Variants in RPS4X observed in about 807,000 individuals in gnomAD.
RPS4X encodes the protein ribosomal protein S4 X-linked.
For synonymous variants in RPS4X, 76 were observed against 76.8 expected, an observed-to-expected ratio of 0.99 and a Z score of 0.06; for missense variants, 90 against 219.1, an observed-to-expected ratio of 0.41 and a Z score of 3.72.
Position 72,276,247 on chromosome X carries a change from G to T in RPS4X, c.4-13C>A, listed in dbSNP as rs746390447. The T allele has an allele frequency of 8.4e-7, 1 of 1,184,262 alleles. No homozygotes were observed. The highest frequency in any genetic ancestry group is 1.1e-6 in the Non-Finnish European group (1 of 872,823). On this transcript the variant is annotated splice_polypyrimidine_tract_variant and intron_variant, in intron 1 of 6. Transcript: ENST00000316084. ...TGGGACCACGAGCCTGAAAGTTTTA[G>T]ATTGCAATGCTGTTAATCAGGTTTC...
intron 2 of RPS4X, 101 bp downstream of exon 2, chrX:72,276,056 G>T: frequency 1.5e-6 from 1 of 648,027 alleles, no homozygotes; most frequent in South Asian, 2.5e-5. Context: ...AAGGGCAGAG[G>T]AAGCCAAGAA....
chrX:72,276,473 TTTACTGA>T (rs371633618), intron 1 of RPS4X, among the ~76,000 whole-genome samples: 46 of 112,430 alleles, frequency 4.1e-4, no homozygotes, highest in African/African-American at 1.4e-3. Flanking sequence ...TTTCAGAACG[TTTACTGA>T]TTACTATCTT....
At chrX:72,273,572 C>T (rs945883040) in intron 5 of RPS4X, among the ~76,000 whole-genome samples, 183 bp from the exon 6 acceptor site, 1 of 111,787 alleles carries the variant, frequency 8.9e-6, no homozygotes, top group Non-Finnish European at 1.9e-5. Flanking sequence ...TGGTGGCTCA[C>T]ACCTATAATC....
intron 4 of RPS4X, 129 bp downstream of exon 4, chrX:72,274,924 G>T: frequency 2.2e-6 from 1 of 445,972 alleles, no homozygotes; most frequent in Admixed American, 3.6e-5. Flanking sequence ...TTGTTAGCTA[G>T]ATATTTCCAG....
rs1024880572 is a variant in RPS4X, at chrX:72,277,140, G to A, written c.3+53C>T. ...CCCGAAACCTCGGGCAGCCCCGGCC[G>A]GGGGAGGATGGAGGCGGATACGTCC... On this transcript the variant is annotated intron_variant, in intron 1 of 6. Coordinates refer to ENST00000316084, the MANE Select transcript of RPS4X (RefSeq NM_001007.5). 1.0e-4 allele frequency: 120 copies of A among 1,197,701 alleles called. No individual in the cohort carries two copies. In the Admixed American group the frequency reaches 1.8e-3, roughly 17 times the overall value.
At chrX:72,276,136 A>G (rs747053419) in intron 2 of RPS4X, 21 bp downstream of exon 2, 10 of 1,172,684 alleles carry the variant, frequency 8.5e-6, no homozygotes, top group Admixed American at 4.4e-5. Context: ...GGCCACGGAA[A>G]TATTTATATA....
At chrX:72,275,476 C>T in intron 3 of RPS4X, 68 bp downstream of exon 3, 1 of 873,889 alleles carries the variant, frequency 1.1e-6, no homozygotes, top group Non-Finnish European at 1.7e-6. Flanking sequence ...GAAAAATGAT[C>T]AAGACAGTAT....
At chrX:72,274,050 C>CT in intron 4 of RPS4X, 78 bp from the exon 5 acceptor site, 1 of 880,878 alleles carries the variant, frequency 1.1e-6, no homozygotes, top group Non-Finnish European at 1.6e-6. Context: ...CCATGGGTTC[C>CT]CTAACTGCTG....
intron 5 of RPS4X, 143 bp from the exon 6 acceptor site, chrX:72,273,532 G>A (rs2043189297): frequency 1.5e-6 from 1 of 670,612 alleles, no homozygotes; most frequent in Non-Finnish European, 2.2e-6. Context: ...GGACTCCCGG[G>A]ACTCTCGTAA....
intron 1 of RPS4X, among the ~76,000 whole-genome samples, chrX:72,276,873 C>T (rs755675366): frequency 2.7e-5 from 3 of 112,892 alleles, no homozygotes; most frequent in South Asian, 7.4e-4. Context: ...CCAGCGCCCA[C>T]CAACCTCGGG....
intron 2 of RPS4X, among the ~76,000 whole-genome samples, 198 bp from the exon 3 acceptor site, chrX:72,275,922 C>G (rs1285265269): frequency 9.0e-6 from 1 of 111,495 alleles, no homozygotes; most frequent in Non-Finnish European, 1.9e-5. Context: ...GTCAGAGGAC[C>G]AGGATCATTA....
intron 4 of RPS4X, 143 bp downstream of exon 4, chrX:72,274,910 C>G: frequency 2.3e-6 from 1 of 435,422 alleles, no homozygotes; most frequent in East Asian, 3.8e-5. Context: ...AGAATCTCAT[C>G]GAATTGTTAG....
intron 4 of RPS4X, 164 bp from the exon 5 acceptor site, chrX:72,274,136 T>A (rs1199642341): frequency 2.1e-6 from 1 of 467,959 alleles, no homozygotes; most frequent in East Asian, 3.8e-5. Context: ...AGGCTCGTCC[T>A]CCTAACATCC....
chrX:72,275,023 G>C, intron 4 of RPS4X, 30 bp downstream of exon 4: 2 of 1,035,944 alleles, frequency 1.9e-6, no homozygotes, highest in Non-Finnish European at 2.7e-6. Context: ...ACTATACTGA[G>C]TAAAGACCCA....
chrX:72,272,906 T>G, intron 6 of RPS4X, 134 bp from the exon 7 acceptor site: 4 of 486,340 alleles, frequency 8.2e-6, no homozygotes, highest in Non-Finnish European at 1.1e-5. Context: ...GCTAGGCAGT[T>G]GCAAGACACA....
rs747368630 is a variant in RPS4X at position 72,273,373 on chromosome X, C to T, written c.549G>A (p.Val183=). Residue 183 remains valine (V), a synonymous_variant, in exon 6 of 7, where the codon GTG becomes GTA. Coordinates refer to ENST00000316084, the MANE Select transcript of RPS4X (RefSeq NM_001007.5). ...TTCTTCCTAGGTTAGCACCTCCAGT[C>T]ACCATACACAGGTTACCTAGGCAGG... is the stretch of plus-strand genomic sequence containing the variant. The part of the protein sequence containing the change: ...IKFDTGNLCM[V]TGGANLGRIG... 2 of 1,200,529 alleles carry T rather than the reference C, an allele frequency of 1.7e-6. No individual in the cohort carries two copies. The highest frequency in any genetic ancestry group is 4.5e-5 in the Admixed American group (2 of 44,010).
rs183562293 is a variant in RPS4X at position 72,275,374 on chromosome X, C to T, written c.262+170G>A. On this transcript the variant is annotated intron_variant, in intron 3 of 6. Transcript: ENST00000316084. ...TGAATCGAAATTTAGTTTTGAAAAG[C>T]GTTTCATGATTATTTGCATGTTTTT... Among the ~76,000 whole-genome samples, 30 of 111,796 alleles carry T rather than the reference C, an allele frequency of 2.7e-4. No individual in the cohort carries two copies. The South Asian group carries it at 6.8e-3, about 25-fold the overall frequency.
rs2043209437 is a variant in RPS4X at position 72,277,236 on chromosome X, G to A, written c.-41C>T. On this transcript the variant is annotated 5_prime_UTR_variant, in exon 1 of 7. Transcript: ENST00000316084. ...GGAAAGAGGACCTCCGTCTTCCGGTGCGCGTAGAAATTGGGGCTGGAGACT... is the reference window on the plus strand; with the variant it reads ...GGAAAGAGGACCTCCGTCTTCCGGTACGCGTAGAAATTGGGGCTGGAGACT... 1.7e-6 allele frequency: 2 copies of A among 1,204,289 alleles called. No homozygotes were observed. Among genetic ancestry groups the A allele is most frequent in the African/African-American group, 1.7e-5 (1 of 57,325 alleles).
chrX:72,272,878 TGA>T (rs1256972976), intron 6 of RPS4X, 106 bp from the exon 7 acceptor site: 4 of 552,200 alleles, frequency 7.2e-6, no homozygotes, highest in Non-Finnish European at 1.2e-5. Flanking sequence ...AGCCTGTTTG[TGA>T]GAGTGCTTGG....
Sources: allele counts gnomAD v4.1 joint callset (sites outside exome capture counted in the v4.1 genomes callset), GRCh38; gene constraint gnomAD v4.1.1; transcripts MANE v1.5; gene names NCBI Gene and HGNC (gene_info 2026-07-23, HGNC 2026-07-21).